Variants in AMOTL2 observed in about 807,000 individuals in gnomAD.
The protein encoded by AMOTL2 is angiomotin like 2.
AMOTL2 carries 33 observed loss-of-function variants against 78.4 expected under a neutral mutation model. The ratio of observed to expected loss-of-function variants is 0.42; its 90% CI spans 0.32 to 0.56. The LOEUF (loss-of-function observed/expected upper bound fraction) is 0.56, where lower values mean the gene tolerates loss of function less well. Among genes scored for constraint, AMOTL2 ranks in the 20% least tolerant of loss-of-function variants. The pLI, the probability that AMOTL2 is intolerant of heterozygous loss-of-function variation, is 0.12. For missense variants in AMOTL2, 983 were observed against 1,030.1 expected, an observed-to-expected ratio of 0.95 and a Z score of 0.63; for synonymous variants, 422 against 428.8, an observed-to-expected ratio of 0.98 and a Z score of 0.20.
Position 134,362,792 on chromosome 3 carries a change from C to A in AMOTL2, c.1280-985G>T, listed in dbSNP as rs140165212. 1.5e-3 allele frequency among the ~76,000 whole-genome samples: 233 copies of A among 152,278 alleles called. 1 individual carries two copies. Among genetic ancestry groups the A allele is most frequent in the African/African-American group, 5.1e-3 (213 of 41,558 alleles). ...TCTAGCCTTAAATCCACCTCCCAGGCACCTGCCCCTTGAGAGTCCCAGGCT... is the reference window on the plus strand; with the variant it reads ...TCTAGCCTTAAATCCACCTCCCAGGAACCTGCCCCTTGAGAGTCCCAGGCT... On this transcript the variant is annotated intron_variant, in intron 5 of 9. Transcript: ENST00000249883.
intron 2 of AMOTL2, 188 bp from the exon 3 acceptor site, chr3:134,367,991 A>C: frequency 1.9e-6 from 1 of 528,908 alleles, no homozygotes; most frequent in Non-Finnish European, 3.2e-6. Context: ...ACCAGTAGGG[A>C]AGGCCTTTTC....
upstream of AMOTL2, chr3:134,374,466 G>T (rs934953194): frequency 2.0e-6 from 2 of 985,556 alleles, no homozygotes; most frequent in Non-Finnish European, 2.4e-6. Flanking sequence ...GCGCCCCAGC[G>T]CGCAGCCCCA....
At chr3:134,370,557 G>T in intron 2 of AMOTL2, 143 bp downstream of exon 2, 14 of 1,112,708 alleles carry the variant, frequency 1.3e-5, no homozygotes, top group Non-Finnish European at 1.6e-5. Context: ...TTCTCTGCCA[G>T]GCATTAGCTC....
Position 134,370,953 on chromosome 3 carries a change from G to A in AMOTL2, c.481C>T (p.Arg161Trp), listed in dbSNP as rs1371991484. The A allele has an allele frequency of 6.2e-7, 1 of 1,610,790 alleles. No homozygotes were observed. Among genetic ancestry groups the A allele is most frequent in the African/African-American group, 1.3e-5 (1 of 74,996 alleles). ...CTCTCCAGGGACAACTGAAGGAGCC[G>A]TTCACTCAACGAGCGCACGTGCCCA... Reference protein sequence around the residue: ...RHGHVRSLSERLLQLSLERNG... With the variant: ...RHGHVRSLSEWLLQLSLERNG... The change falls in exon 2 of 10, where the codon CGG becomes TGG. Residue 161 changes from arginine (R) to tryptophan (W), a missense_variant. Coordinates refer to ENST00000249883, the MANE Select transcript of AMOTL2 (RefSeq NM_016201.4).
intron 7 of AMOTL2, 34 bp downstream of exon 7, chr3:134,360,072 C>T: frequency 6.3e-7 from 1 of 1,582,984 alleles, no homozygotes; most frequent in Non-Finnish European, 8.6e-7. Flanking sequence ...CACCCACCCC[C>T]CCAACCTCAG....
intron 6 of AMOTL2, among the ~76,000 whole-genome samples, 200 bp from the exon 7 acceptor site, chr3:134,360,613 A>G (rs1046511347): frequency 6.6e-6 from 1 of 152,242 alleles, no homozygotes; most frequent in Non-Finnish European, 1.5e-5. Context: ...GGGCAAGGGC[A>G]TAGAGACCAG....
chr3:134,360,343 G>A lies in AMOTL2; in HGVS notation c.1646C>T (p.Ser549Leu), dbSNP rs780246478. Residue 549 changes from serine to leucine, a missense_variant, in exon 7 of 10, where the codon TCA becomes TTA. Ser to Leu is a moderately radical substitution (Grantham distance 145). Transcript: ENST00000249883. Reference protein sequence around the residue: ...GSPELSALRLSEQLREKEEQI... With the variant: ...GSPELSALRLLEQLREKEEQI... ...CTCCTCCTTCTCTCGCAGTTGTTCT[G>A]ACAGTCGCAGGGCGCTGAGCTCTGG... The A allele has an allele frequency of 6.2e-7, 1 of 1,614,168 alleles. No homozygotes were observed. The highest frequency in any genetic ancestry group is 1.7e-5 in the Admixed American group (1 of 60,032).
chr3:134,364,896 A>G (rs1576580491), intron 5 of AMOTL2, among the ~76,000 whole-genome samples: 2 of 152,110 alleles, frequency 1.3e-5, no homozygotes, highest in Middle Eastern at 6.8e-3. Flanking sequence ...AGCTCAATAA[A>G]TAACTGTTCT....
intron 6 of AMOTL2, 38 bp from the exon 7 acceptor site, chr3:134,360,451 A>T: frequency 6.4e-7 from 1 of 1,571,018 alleles, no homozygotes; most frequent in Non-Finnish European, 8.6e-7. Flanking sequence ...TCAAGGGTGC[A>T]GGTTGGGGTG....
upstream of AMOTL2, chr3:134,374,492 G>A: frequency 1.0e-6 from 1 of 985,568 alleles, no homozygotes. Context: ...GGCCCGCGCC[G>A]GAGGCGGCTG....
rs570339300 is a variant in AMOTL2 at position 134,360,421 on chromosome 3, G to C, written c.1576-8C>G. 3 of 1,606,180 alleles carry C rather than the reference G, an allele frequency of 1.9e-6. No individual in the cohort carries two copies. In the African/African-American group the frequency reaches 4.0e-5, roughly 21 times the overall value. On this transcript the variant is annotated splice_polypyrimidine_tract_variant and splice_region_variant and intron_variant, in intron 6 of 9. Coordinates refer to ENST00000249883, the MANE Select transcript of AMOTL2 (RefSeq NM_016201.4). ...TGGGGCACCTGCCTGTCTCTGCAGAGCAAGGAGTAGAGACCGTGGTCAAGG... is the reference window on the plus strand; with the variant it reads ...TGGGGCACCTGCCTGTCTCTGCAGACCAAGGAGTAGAGACCGTGGTCAAGG...
chr3:134,375,022 G>A, upstream of AMOTL2: 1 of 1,438,946 alleles, frequency 6.9e-7, no homozygotes, highest in Non-Finnish European at 9.1e-7. Context: ...CTAAGTGAAT[G>A]CTTCCAGCCA....
chr3:134,374,938 TACCGGGGGAGGTGG>T, upstream of AMOTL2: 5 of 1,331,866 alleles, frequency 3.8e-6, no homozygotes, highest in Non-Finnish European at 4.8e-6. Flanking sequence ...CGTGTGTGTG[TACCGGGGGAGGTGG>T]GAAAGGGAGG....
At chr3:134,359,593 C>CA (rs2017254163) in intron 7 of AMOTL2, 90 bp from the exon 8 acceptor site, 3 of 1,084,982 alleles carry the variant, frequency 2.8e-6, no homozygotes, top group Admixed American at 2.2e-5. Context: ...GAGGAAAAGC[C>CA]CCCCCCAACT....
chr3:134,355,411 G>A lies in AMOTL2; in HGVS notation c.*2294C>T, dbSNP rs2017044161. ...CTTTCCTGAGCATCAGGAAAGAGTGGTGATGTCACAGCAAAGGAGGGAGGC... is the reference window on the plus strand; with the variant it reads ...CTTTCCTGAGCATCAGGAAAGAGTGATGATGTCACAGCAAAGGAGGGAGGC... On this transcript the variant is annotated 3_prime_UTR_variant, in exon 10 of 10. Coordinates refer to ENST00000249883, the MANE Select transcript of AMOTL2 (RefSeq NM_016201.4). Among the ~76,000 whole-genome samples, 1 of 152,116 alleles carries A rather than the reference G, an allele frequency of 6.6e-6. No homozygotes were observed.
intron 2 of AMOTL2, 110 bp downstream of exon 2, chr3:134,370,590 G>A: frequency 7.3e-7 from 1 of 1,362,944 alleles, no homozygotes; most frequent in Non-Finnish European, 9.7e-7. Context: ...TTGGAGGTGG[G>A]GTGGATCTTG....
intron 5 of AMOTL2, among the ~76,000 whole-genome samples, chr3:134,365,146 C>T (rs997784322): frequency 1.3e-5 from 2 of 152,162 alleles, no homozygotes; most frequent in Non-Finnish European, 2.9e-5. Context: ...CTCACCACTT[C>T]CTTCCTGACC....
In AMOTL2 at chr3:134,360,400, G is replaced by A. The variant is rs766482164; in HGVS notation, c.1589C>T (p.Ala530Val). ...ACCACTGCCACTGCTACCACCTGGG[G>A]CACCTGCCTGTCTCTGCAGAGCAAG... ...ALRAQQRQAG[A>V]PGGSSGSGGS... Residue 530 changes from alanine (A) to valine (V), a missense_variant, in exon 7 of 10, where the codon GCC (alanine) becomes GTC (valine). By Grantham distance (64) the Ala-to-Val change is moderately conservative (BLOSUM62 0). Transcript: ENST00000249883. 6.2e-7 allele frequency: 1 copy of A among 1,610,684 alleles called. No homozygotes were observed. Among genetic ancestry groups the A allele is most frequent in the Non-Finnish European group, 8.5e-7 (1 of 1,178,494 alleles).
In AMOTL2 at chr3:134,359,385, C is replaced by A; in HGVS notation, c.2002G>T (p.Val668Leu). ...GCCGCAGCCGCGAAAACAGATGGCA[C>A]CGACTTGGCAGGCCGCAGGGAGCCC... is the stretch of plus-strand genomic sequence containing the variant. ...IQGSLRPAKSVPSVFAAAAAG... is the reference protein window; with the variant it reads ...IQGSLRPAKSLPSVFAAAAAG... Residue 668 changes from valine to leucine, a missense_variant, in exon 8 of 10, where the codon GTG becomes TTG. Transcript: ENST00000249883. 1.9e-6 allele frequency: 3 copies of A among 1,614,230 alleles called. No individual in the cohort carries two copies. The highest frequency in any genetic ancestry group is 2.5e-6 in the Non-Finnish European group (3 of 1,180,046).
Sources: allele counts gnomAD v4.1 joint callset (sites outside exome capture counted in the v4.1 genomes callset), GRCh38; gene constraint gnomAD v4.1.1; transcripts MANE v1.5; gene names NCBI Gene and HGNC (gene_info 2026-07-23, HGNC 2026-07-21).